Variants in SYT9 observed in about 807,000 individuals in gnomAD.
SYT9 encodes the protein synaptotagmin 9, also known as synaptotagmin-9.
SYT9 carries 22 observed loss-of-function variants against 48.4 expected under a neutral mutation model. That is an observed-to-expected ratio of 0.45 (90% CI 0.32 to 0.65). The LOEUF is 0.65. SYT9 is among the 30% of genes least tolerant of loss of function. The pLI is 0.03. For missense variants in SYT9, 577 were observed against 622.0 expected (o/e 0.93, Z 0.77); for synonymous variants, 265 against 245.0 (o/e 1.08, Z -0.76).
At chr11:7,415,783 G>A (rs1847233374) in intron 3 of SYT9, among the ~76,000 whole-genome samples, 1 of 152,150 alleles carries the variant, frequency 6.6e-6, no homozygotes, top group Non-Finnish European at 1.5e-5. Context: ...CCGGTGACTG[G>A]ATACATGGTG....
intron 1 of SYT9, among the ~76,000 whole-genome samples, chr11:7,285,965 C>A (rs897499097): frequency 1.3e-4 from 20 of 152,052 alleles, no homozygotes; most frequent in African/African-American, 4.6e-4. Context: ...GGGGACAGCC[C>A]CCTTCCTAGC....
At chr11:7,279,043 G>C (rs550553027) in intron 1 of SYT9, among the ~76,000 whole-genome samples, 1 of 152,184 alleles carries the variant, frequency 6.6e-6, no homozygotes, top group Non-Finnish European at 1.5e-5. Flanking sequence ...AGGGAGTAAT[G>C]ATAACAGATG....
chr11:7,398,361 A>G lies in SYT9; in HGVS notation c.1045-17681A>G, dbSNP rs1846798727. On this transcript the variant is annotated intron_variant, in intron 3 of 6. Coordinates refer to ENST00000318881, the MANE Select transcript of SYT9 (RefSeq NM_175733.4). ...GAGTTTAGTTTGCTAAAATGTTACT[A>G]AGGTTAATTATATCTGTGTCCATGA... is the stretch of plus-strand genomic sequence containing the variant. 1.3e-5 allele frequency among the ~76,000 whole-genome samples: 2 copies of G among 151,932 alleles called. 1 individual carries two copies. The highest frequency in any genetic ancestry group is 4.1e-4 in the South Asian group (2 of 4,820).
intron 3 of SYT9, among the ~76,000 whole-genome samples, chr11:7,365,425 G>C (rs1057389890): frequency 6.6e-6 from 1 of 152,084 alleles, no homozygotes; most frequent in African/African-American, 2.4e-5. Context: ...AGACTTTAGA[G>C]TACATCAGGT....
chr11:7,466,779 T>C lies in SYT9; in HGVS notation c.1468-13T>C. The C allele has an allele frequency of 2.5e-6, 4 of 1,611,738 alleles. No individual in the cohort carries two copies. Among genetic ancestry groups the C allele is most frequent in the Non-Finnish European group, 3.4e-6 (4 of 1,179,356 alleles). On this transcript the variant is annotated splice_polypyrimidine_tract_variant and intron_variant, in intron 6 of 6. Transcript: ENST00000318881. ...TGAAAGCCAAATTATTTTTTTGTTT[T>C]TTCTTCCTGCAGAAACGATGACCAT...
chr11:7,425,875 C>T (rs1847447559), intron 6 of SYT9, among the ~76,000 whole-genome samples: 2 of 152,166 alleles, frequency 1.3e-5, no homozygotes, highest in Admixed American at 6.5e-5. Flanking sequence ...TATAGTCCAG[C>T]ATCGTGTCTC....
At chr11:7,465,743 C>T (rs142612179) in intron 6 of SYT9, 2,171 of 166,088 alleles carry the variant, frequency 0.013, 19 homozygotes, top group African/African-American at 0.03. Context: ...AGAGGTTTAA[C>T]TGGACTTACA....
chr11:7,451,412 C>T (rs1290391796), intron 6 of SYT9, among the ~76,000 whole-genome samples: 2 of 152,198 alleles, frequency 1.3e-5, no homozygotes, highest in East Asian at 1.9e-4. Context: ...CATAATTTCC[C>T]TCGCTATCTT....
intron 6 of SYT9, among the ~76,000 whole-genome samples, chr11:7,451,533 T>C (rs1848047843): frequency 6.6e-6 from 1 of 152,168 alleles, no homozygotes; most frequent in South Asian, 2.1e-4. Flanking sequence ...CTCTTCCCCC[T>C]CTAACCATGT....
chr11:7,313,257 C>CCA lies in SYT9; in HGVS notation c.498-127_498-126dup, dbSNP rs562883553. On this transcript the variant is annotated intron_variant, in intron 2 of 6. Coordinates refer to ENST00000318881, the MANE Select transcript of SYT9 (RefSeq NM_175733.4). Reference sequence around the variant, plus strand: ...CACTGATGAGCATTTTGAATTTAGGCCACACACACACAAAAAAGGCCCACA... The same window carrying CCA: ...CACTGATGAGCATTTTGAATTTAGGCCACACACACACACAAAAAAGGCCCACA... The CCA allele has an allele frequency of 6.7e-5, 55 of 816,588 alleles. No individual in the cohort carries two copies. In the Middle Eastern group the frequency reaches 2.1e-3, roughly 31 times the overall value. The allele number at this position is 816,588 out of a possible 1,614,324, so 50.6% of individuals were successfully genotyped here.
At chr11:7,449,328 A>G (rs1847998662) in intron 6 of SYT9, among the ~76,000 whole-genome samples, 1 of 148,706 alleles carries the variant, frequency 6.7e-6, no homozygotes, top group South Asian at 2.1e-4. Flanking sequence ...ACCTCAAAAA[A>G]AAAAAAAAAA....
At chr11:7,348,998 G>A (rs1378490875) in intron 3 of SYT9, among the ~76,000 whole-genome samples, 2 of 151,958 alleles carry the variant, frequency 1.3e-5, no homozygotes, top group African/African-American at 4.8e-5. Context: ...TGTACTGCTG[G>A]GCTGTCAGGC....
rs543560606 is a variant in SYT9, at chr11:7,323,711, A to T, written c.1044+9770A>T. On this transcript the variant is annotated intron_variant, in intron 3 of 6. Coordinates refer to ENST00000318881, the MANE Select transcript of SYT9 (RefSeq NM_175733.4). ...AATAAATTATATTGCTATATTTTAT[A>T]CTTTTTATGAAAACTTGTATTTCTG... Among the ~76,000 whole-genome samples, 4 of 152,112 alleles carry T rather than the reference A, an allele frequency of 2.6e-5. No individual in the cohort carries two copies. The South Asian group carries it at 8.3e-4, about 32-fold the overall frequency.
chr11:7,438,537 C>T (rs1265065773), intron 6 of SYT9: 1 of 152,930 alleles, frequency 6.5e-6, no homozygotes, highest in Non-Finnish European at 1.5e-5. Context: ...TCTGCCTCCT[C>T]TCTCCCAGGT....
At chr11:7,293,719 A>C (rs1848734429) in intron 1 of SYT9, among the ~76,000 whole-genome samples, 1 of 152,206 alleles carries the variant, frequency 6.6e-6, no homozygotes. Context: ...AGGTCACAAA[A>C]TATAAATGAT....
intron 3 of SYT9, among the ~76,000 whole-genome samples, chr11:7,385,456 A>G (rs1284933073): frequency 3.3e-5 from 5 of 151,936 alleles, no homozygotes; most frequent in African/African-American, 9.7e-5. Flanking sequence ...ATTTCTTTCT[A>G]TAGAGGACAA....
intron 3 of SYT9, among the ~76,000 whole-genome samples, chr11:7,391,952 T>C (rs1023050470): frequency 6.6e-6 from 1 of 151,832 alleles, no homozygotes; most frequent in African/African-American, 2.4e-5. Context: ...CTTTGTCCAC[T>C]TTCTAATGAG....
chr11:7,254,332 G>C (rs751941148), intron 1 of SYT9, among the ~76,000 whole-genome samples: 1 of 152,110 alleles, frequency 6.6e-6, no homozygotes, highest in Non-Finnish European at 1.5e-5. Context: ...GGGGGTTTTC[G>C]AGTGCAAGGT....
At chr11:7,241,147 T>C (rs886130289) in intron 1 of SYT9, among the ~76,000 whole-genome samples, 1 of 152,016 alleles carries the variant, frequency 6.6e-6, no homozygotes, top group Non-Finnish European at 1.5e-5. Flanking sequence ...CTTCCTCTAC[T>C]GGCCAAGCCT....
Sources: allele counts gnomAD v4.1 joint callset (sites outside exome capture counted in the v4.1 genomes callset), GRCh38; gene constraint gnomAD v4.1.1; transcripts MANE v1.5; gene names NCBI Gene and HGNC (gene_info 2026-07-23, HGNC 2026-07-21).